Variants in CD163L1 observed in about 807,000 individuals in gnomAD.
The protein encoded by CD163L1 is scavenger receptor cysteine-rich type 1 protein M160.
Under a neutral mutation model 165.4 loss-of-function variants are expected in CD163L1, and 124 were observed. That is an observed-to-expected ratio of 0.75 (90% CI 0.65 to 0.87). The LOEUF is 0.87. CD163L1 is among the 40% of genes least tolerant of loss of function. The pLI is 0.00. For missense variants in CD163L1, 1,525 were observed against 1,799.9 expected, an observed-to-expected ratio of 0.85 and a Z score of 2.76; for synonymous variants, 585 against 662.2, an observed-to-expected ratio of 0.88 and a Z score of 1.79.
the CD163L1 span, chr12:7,326,875 T>C: frequency 7.7e-7 from 1 of 1,304,630 alleles, no homozygotes; most frequent in Non-Finnish European, 1.0e-6. Context: ...TCACACAAAC[T>C]GTTATTAATA....
At chr12:7,431,596 C>T (rs778658723) in intron 4 of CD163L1, among the ~76,000 whole-genome samples, 31 of 148,452 alleles carry the variant, frequency 2.1e-4, no homozygotes, top group South Asian at 4.3e-4. Context: ...CATCACACAC[C>T]AGGGCCCGTT....
the CD163L1 span, among the ~76,000 whole-genome samples, chr12:7,334,148 G>A: frequency 6.6e-6 from 1 of 152,000 alleles, no homozygotes; most frequent in African/African-American, 2.4e-5. Context: ...TATGAGGCCA[G>A]CATCATCCTG....
At chr12:7,321,710 G>A in the CD163L1 span, among the ~76,000 whole-genome samples, 1 of 152,198 alleles carries the variant, frequency 6.6e-6, no homozygotes, top group African/African-American at 2.4e-5. Flanking sequence ...TCTCACCTGT[G>A]TCCAGTAAGG....
intron 4 of CD163L1, among the ~76,000 whole-genome samples, chr12:7,424,502 G>A (rs1012060793): frequency 6.6e-6 from 1 of 152,160 alleles, no homozygotes; most frequent in African/African-American, 2.4e-5. Context: ...TCAGGCAAGA[G>A]AAAGAAATAA....
chr12:7,356,163 G>A (rs937616678), intron 19 of CD163L1, among the ~76,000 whole-genome samples: 7 of 152,012 alleles, frequency 4.6e-5, no homozygotes, highest in Admixed American at 1.3e-4. Context: ...TCATGCAGAT[G>A]AAAACACATA....
At chr12:7,378,424 C>A (rs753848464) in intron 9 of CD163L1, among the ~76,000 whole-genome samples, 1 of 152,150 alleles carries the variant, frequency 6.6e-6, no homozygotes. Context: ...TTACAACCTT[C>A]AATGATTTAT....
chr12:7,365,039 A>T (rs183706800), intron 18 of CD163L1, among the ~76,000 whole-genome samples: 8 of 152,270 alleles, frequency 5.3e-5, no homozygotes, highest in Non-Finnish European at 5.9e-5. Flanking sequence ...ACAAAATTAT[A>T]GTAACCAAAT....
At chr12:7,429,154 C>T (rs1948590980) in intron 4 of CD163L1, among the ~76,000 whole-genome samples, 3 of 151,828 alleles carry the variant, frequency 2.0e-5, no homozygotes, top group Admixed American at 1.3e-4. Flanking sequence ...TTCCTCATTT[C>T]GTCATAAAGT....
At position 7,398,285 on chromosome 12, in the gene CD163L1, C is replaced by G. The variant is rs1565794848; in HGVS notation, c.1708G>C (p.Asp570His). 1.2e-6 allele frequency: 2 copies of G among 1,613,648 alleles called. No individual in the cohort carries two copies. Among genetic ancestry groups the G allele is most frequent in the Admixed American group, 1.7e-5 (1 of 59,984 alleles). Residue 570 changes from aspartate (D) to histidine (H), a missense_variant, in exon 7 of 20, where the codon GAT becomes CAT. Transcript: ENST00000313599. This position sits in a 1 kb window ranked among gnomAD's most constrained non-coding sequence, Gnocchi z 4.5. ...WGKHNCVHRE[D>H]VIVTCSGDAT... ...TTACCTGAGCAGGTTACAATCACATCCTCTCTGTGTACACAATTATGCTTT... is the reference window on the plus strand; with the variant it reads ...TTACCTGAGCAGGTTACAATCACATGCTCTCTGTGTACACAATTATGCTTT...
rs1947961715 is a variant in CD163L1 at position 7,403,872 on chromosome 12, G to A, written c.1088-17C>T. ...CTGCTCCATCTAGGATGAAGTCACA[G>A]AGAAACGTCTGAATTGGGTTTGGGA... On this transcript the variant is annotated splice_polypyrimidine_tract_variant and intron_variant, in intron 5 of 19. Transcript: ENST00000313599. 1 of 1,606,024 alleles carries A rather than the reference G, an allele frequency of 6.2e-7. No homozygotes were observed. The highest frequency in any genetic ancestry group is 1.1e-5 in the South Asian group (1 of 89,922).
At chr12:7,373,872 C>T (rs1947197136) in intron 13 of CD163L1, among the ~76,000 whole-genome samples, 1 of 152,160 alleles carries the variant, frequency 6.6e-6, no homozygotes, top group Non-Finnish European at 1.5e-5. Flanking sequence ...TTTGTATCAA[C>T]TTAAGTTAAA....
chr12:7,383,322 G>C (rs1281567556), intron 8 of CD163L1, among the ~76,000 whole-genome samples: 1 of 152,128 alleles, frequency 6.6e-6, no homozygotes. Flanking sequence ...GGGGCCTGGA[G>C]AATTGCCTGC....
At chr12:7,346,818 T>C (rs754513199) in exon 5 of CD163L1, 1 of 152,266 alleles carries the variant, frequency 6.6e-6, no homozygotes, top group East Asian at 1.9e-4. Context: ...AGTACAAAGA[T>C]CCTTGCGAAA....
chr12:7,383,334 C>T (rs770959271), intron 8 of CD163L1, among the ~76,000 whole-genome samples: 1 of 152,136 alleles, frequency 6.6e-6, no homozygotes, highest in African/African-American at 2.4e-5. Context: ...ATTGCCTGCC[C>T]AGCACTGCTA....
intron 4 of CD163L1, among the ~76,000 whole-genome samples, chr12:7,424,686 C>T (rs149160441): frequency 0.017 from 2,640 of 152,160 alleles, 36 homozygotes; most frequent in Non-Finnish European, 0.03. Flanking sequence ...TCCTATACAC[C>T]AATAATAGAC....
the CD163L1 span, among the ~76,000 whole-genome samples, chr12:7,319,054 G>A: frequency 2.6e-5 from 4 of 152,062 alleles, no homozygotes; most frequent in South Asian, 4.1e-4. Context: ...AATGTATAAC[G>A]AAATAATTAT....
chr12:7,381,715 G>T (rs1947412685), intron 8 of CD163L1, among the ~76,000 whole-genome samples: 1 of 151,946 alleles, frequency 6.6e-6, no homozygotes, highest in South Asian at 2.1e-4. Context: ...AGGGTGGGGA[G>T]AATAAACATA....
At chr12:7,321,351 T>A in the CD163L1 span, among the ~76,000 whole-genome samples, 3 of 152,234 alleles carry the variant, frequency 2.0e-5, no homozygotes, top group Non-Finnish European at 4.4e-5. Context: ...AGAGTTGCAA[T>A]GTATATTTGT....
At chr12:7,412,988 C>T (rs372191289) in intron 4 of CD163L1, among the ~76,000 whole-genome samples, 204 of 144,364 alleles carry the variant, frequency 1.4e-3, no homozygotes, top group African/African-American at 5.2e-3. Context: ...CCCAGCCACT[C>T]GGGAGGCTGA....
Sources: allele counts gnomAD v4.1 joint callset (sites outside exome capture counted in the v4.1 genomes callset), GRCh38; gene constraint gnomAD v4.1.1; non-coding constraint Gnocchi (gnomAD v3.1); transcripts MANE v1.5; gene names NCBI Gene and HGNC (gene_info 2026-07-23, HGNC 2026-07-21).